Variants in GABBR2 observed in about 807,000 individuals in gnomAD.
The protein encoded by GABBR2 is G-protein coupled receptor 51.
Under a neutral mutation model 105.6 loss-of-function variants are expected in GABBR2, and 23 were observed. The observed-to-expected ratio is 0.22, with a 90% CI of 0.16 to 0.31. The LOEUF is 0.31. Ranked by LOEUF, GABBR2 falls within the 10% of genes least tolerant of loss-of-function variation. GABBR2 has a pLI of 1.00. For synonymous variants in GABBR2, 478 were observed against 499.7 expected, an observed-to-expected ratio of 0.96 and a Z score of 0.58; for missense variants, 734 against 1,245.5, an observed-to-expected ratio of 0.59 and a Z score of 6.18.
chr9:98,534,516 T>C (rs1334132924), intron 3 of GABBR2, among the ~76,000 whole-genome samples: 2 of 152,200 alleles, frequency 1.3e-5, no homozygotes, highest in East Asian at 1.9e-4. Context: ...CTTTTCTTAG[T>C]AGTTTAAGTA....
rs1830548460 is a variant in GABBR2 at position 98,306,209 on chromosome 9, C to T, written c.2141G>A (p.Arg714Gln). ...IIGAAVSFLTRDQPNVQFCIV... is the reference protein window; with the variant it reads ...IIGAAVSFLTQDQPNVQFCIV... ...GCAGAACTGCACATTGGGCTGGTCC[C>T]GGGTCAGGAAGGAGACAGCGGCCCC... is the stretch of plus-strand genomic sequence containing the variant. Residue 714 changes from arginine (R) to glutamine (Q), a missense_variant, in exon 15 of 19, where the codon CGG becomes CAG. By Grantham distance (43) the Arg-to-Gln change is conservative. Transcript: ENST00000259455. This position sits in a 1 kb window ranked among gnomAD's most constrained non-coding sequence, Gnocchi z 5.4. 7 of 1,614,092 alleles carry T rather than the reference C, an allele frequency of 4.3e-6. No homozygotes were observed. The highest frequency in any genetic ancestry group is 5.9e-6 in the Non-Finnish European group (7 of 1,179,996).
Position 98,422,894 on chromosome 9 carries a change from G to A in GABBR2, c.1237-16753C>T, listed in dbSNP as rs558777595. 4.8e-3 allele frequency among the ~76,000 whole-genome samples: 726 copies of A among 151,954 alleles called. 4 individuals carry two copies. Among genetic ancestry groups the A allele is most frequent in the Non-Finnish European group, 8.6e-3 (587 of 67,968 alleles). ...TTTTGTCCTTGCGATAGTTTACTGAGAATGATGATTTCCAATTTCATCCAT... is the reference window on the plus strand; with the variant it reads ...TTTTGTCCTTGCGATAGTTTACTGAAAATGATGATTTCCAATTTCATCCAT... On this transcript the variant is annotated intron_variant, in intron 7 of 18. Transcript: ENST00000259455.
intron 7 of GABBR2, among the ~76,000 whole-genome samples, chr9:98,412,190 T>C (rs1832602639): frequency 6.6e-6 from 1 of 152,006 alleles, no homozygotes; most frequent in Non-Finnish European, 1.5e-5. Flanking sequence ...AAGGGGAGCT[T>C]TCATGCTTCA....
Position 98,306,428 on chromosome 9 carries a change from A to C in GABBR2, c.2005-83T>G. On this transcript the variant is annotated intron_variant, in intron 14 of 18. Coordinates refer to ENST00000259455, the MANE Select transcript of GABBR2 (RefSeq NM_005458.8). The surrounding 1 kb of genome is among the most constrained non-coding windows in gnomAD (Gnocchi z 5.4). ...GCTGCTCTGAGAAGCTGTGGAGTGGAGGGTTACTCAGGAGGTGGGCTGCAG... is the reference window on the plus strand; with the variant it reads ...GCTGCTCTGAGAAGCTGTGGAGTGGCGGGTTACTCAGGAGGTGGGCTGCAG... 1 of 526,386 alleles carries C rather than the reference A, an allele frequency of 1.9e-6. No individual in the cohort carries two copies. Among genetic ancestry groups the C allele is most frequent in the Non-Finnish European group, 3.6e-6 (1 of 278,722 alleles). 32.6% of individuals were successfully genotyped at this position (526,386 alleles called of 1,614,324 possible).
At chr9:98,507,325 G>C (rs1827533488) in intron 3 of GABBR2, among the ~76,000 whole-genome samples, 1 of 152,140 alleles carries the variant, frequency 6.6e-6, no homozygotes, top group Non-Finnish European at 1.5e-5. Flanking sequence ...CTTTATAAGG[G>C]AAGGAGGGAG....
chr9:98,390,887 T>C (rs73499053), intron 9 of GABBR2, among the ~76,000 whole-genome samples: 6,174 of 152,210 alleles, frequency 0.041, 449 homozygotes, highest in African/African-American at 0.14. Context: ...AAGAGAAAGT[T>C]GTCTCCTTCT....
At chr9:98,414,244 C>T (rs528057324) in intron 7 of GABBR2, among the ~76,000 whole-genome samples, 7 of 152,308 alleles carry the variant, frequency 4.6e-5, no homozygotes, top group African/African-American at 1.7e-4. Flanking sequence ...AGGGCCTTTC[C>T]AGGAAGGTGG....
chr9:98,652,984 C>T (rs141096423), intron 1 of GABBR2, among the ~76,000 whole-genome samples: 1 of 152,318 alleles, frequency 6.6e-6, no homozygotes, highest in East Asian at 1.9e-4. Context: ...TGGCTACACT[C>T]CTCAGCTACT....
At chr9:98,576,954 A>ATG (rs1828919508) in intron 2 of GABBR2, among the ~76,000 whole-genome samples, 1 of 62,292 alleles carries the variant, frequency 1.6e-5, no homozygotes, top group East Asian at 8.7e-4. Flanking sequence ...ATGGATGGAT[A>ATG]GGTGAATGGG....
At chr9:98,504,966 T>C (rs1490003006) in intron 3 of GABBR2, among the ~76,000 whole-genome samples, 1 of 152,246 alleles carries the variant, frequency 6.6e-6, no homozygotes, top group East Asian at 1.9e-4. Flanking sequence ...CAAAGCCGAC[T>C]TCAAACACAG....
rs1830136652 is a variant in GABBR2, at chr9:98,653,426, A to T, written c.321+54991T>A. Among the ~76,000 whole-genome samples, 3 of 152,246 alleles carry T rather than the reference A, an allele frequency of 2.0e-5. No homozygotes were observed. The South Asian group carries it at 6.2e-4, about 32-fold the overall frequency. On this transcript the variant is annotated intron_variant, in intron 1 of 18. Transcript: ENST00000259455. ...TTTTAAAATAAATGGCTGAAAGAAA[A>T]TGAGCATTGGTATAAACATAACACA... is the stretch of plus-strand genomic sequence containing the variant.
At chr9:98,321,466 G>A (rs1830821312) in intron 13 of GABBR2, among the ~76,000 whole-genome samples, 1 of 152,208 alleles carries the variant, frequency 6.6e-6, no homozygotes, top group Admixed American at 6.5e-5. Context: ...AGTCATCAGG[G>A]TGGCATTGCC....
intron 16 of GABBR2, among the ~76,000 whole-genome samples, chr9:98,301,574 C>T (rs187874796): frequency 3.9e-5 from 6 of 152,242 alleles, no homozygotes; most frequent in Admixed American, 1.3e-4. Context: ...GAAAGAGATA[C>T]TCTTTTCTAT....
At chr9:98,300,347 G>A (rs1830449240) in intron 16 of GABBR2, among the ~76,000 whole-genome samples, 1 of 151,994 alleles carries the variant, frequency 6.6e-6, no homozygotes, top group South Asian at 2.1e-4. Context: ...TCTTCTCTAT[G>A]TTGCCCAGGC....
chr9:98,639,575 C>A (rs1051352969), intron 1 of GABBR2, among the ~76,000 whole-genome samples: 1 of 150,164 alleles, frequency 6.7e-6, no homozygotes, highest in African/African-American at 2.5e-5. Flanking sequence ...TAATCATCAA[C>A]CATTGTTCTC....
At chr9:98,697,229 C>T (rs931106169) in intron 1 of GABBR2, among the ~76,000 whole-genome samples, 1 of 152,090 alleles carries the variant, frequency 6.6e-6, no homozygotes, top group Non-Finnish European at 1.5e-5. Context: ...CGGTGGCTTA[C>T]GCCTGTAATC....
chr9:98,610,676 A>G (rs1381891267), intron 1 of GABBR2, among the ~76,000 whole-genome samples: 3 of 152,110 alleles, frequency 2.0e-5, no homozygotes, highest in Non-Finnish European at 2.9e-5. Context: ...ACAGTCACCA[A>G]AAGCAGGGAG....
chr9:98,426,309 T>C (rs191667258), intron 7 of GABBR2, among the ~76,000 whole-genome samples: 1 of 152,318 alleles, frequency 6.6e-6, no homozygotes, highest in East Asian at 1.9e-4. Context: ...GGCACTGAAA[T>C]AGCAATCCCA....
intron 1 of GABBR2, among the ~76,000 whole-genome samples, chr9:98,619,891 C>G (rs1829644019): frequency 6.6e-6 from 1 of 152,184 alleles, no homozygotes; most frequent in African/African-American, 2.4e-5. Flanking sequence ...TCTAGCTGAG[C>G]TTCCCAAGCT....
Sources: gnomAD v4.1 joint callset for allele counts (sites outside exome capture counted in the v4.1 genomes callset) on GRCh38, gnomAD v4.1.1 for gene constraint, Gnocchi (gnomAD v3.1) non-coding constraint, MANE v1.5 for transcripts, NCBI Gene and HGNC (gene_info 2026-07-23, HGNC 2026-07-21) for gene names.